HGS: variants seen among roughly 807,000 people sequenced by gnomAD.
HGS encodes the protein human growth factor-regulated tyrosine kinase substrate.
In HGS, 63 loss-of-function variants were observed where a neutral mutation model predicts 109.7. The observed-to-expected ratio is 0.57, with a 90% CI of 0.47 to 0.71. The LOEUF (loss-of-function observed/expected upper bound fraction) is 0.71. Ranked by LOEUF, HGS falls within the 30% of genes least tolerant of loss-of-function variation. The pLI is 0.00. For synonymous variants in HGS, 546 were observed against 437.3 expected, an observed-to-expected ratio of 1.25 and a Z score of -3.10; for missense variants, 995 against 1,068.3, an observed-to-expected ratio of 0.93 and a Z score of 0.96.
intron 20 of HGS, 71 bp downstream of exon 20, chr17:81,700,885 T>C: frequency 1.9e-6 from 3 of 1,578,332 alleles, no homozygotes; most frequent in Non-Finnish European, 2.6e-6. Flanking sequence ...GGTCCTTTGG[T>C]GAGGCTGGCA....
chr17:81,693,718 T>C lies in HGS; in HGVS notation c.806T>C (p.Leu269Pro). The stretch of plus-strand genomic sequence containing the variant: ...GAGGAGCTGCAGCTGGCCCTGGCGC[T>C]GTCACAGTCAGAGGCGGAGGAGAAG... Reference protein sequence around the residue: ...EEEELQLALALSQSEAEEKER... With the variant: ...EEEELQLALAPSQSEAEEKER... The change falls in exon 10 of 22, where the codon CTG (leucine) becomes CCG (proline). Residue 269 changes from leucine (L) to proline (P), a missense_variant. This residue lies in a region of HGS where 300 missense variants were observed against 235.4 expected (regional missense o/e 1.27). Transcript: ENST00000329138. 1 of 1,558,570 alleles carries C rather than the reference T, an allele frequency of 6.4e-7. No individual in the cohort carries two copies.
Position 81,696,766 on chromosome 17 carries a change from C to T in HGS, c.1707+19C>T. The T allele has an allele frequency of 6.2e-7, 1 of 1,603,148 alleles. No individual in the cohort carries two copies. The highest frequency in any genetic ancestry group is 8.5e-7 in the Non-Finnish European group (1 of 1,172,764). On this transcript the variant is annotated intron_variant, in intron 17 of 21. Transcript: ENST00000329138. ...CGCCCAGGCATGTGCCATCCTCCCG[C>T]CACCCAGAGGCTTGTGGGCTGAGGA...
At position 81,685,906 on chromosome 17, in the gene HGS, C is replaced by T. The variant is rs552283742; in HGVS notation, c.122+217C>T. The stretch of plus-strand genomic sequence containing the variant: ...TACCTGGTTATGTTTGTATTTGCTT[C>T]GGGGTTCTCAAAGACTAAGATGGCA... On this transcript the variant is annotated intron_variant, in intron 2 of 21. Transcript: ENST00000329138. Among the ~76,000 whole-genome samples, 31 of 152,202 alleles carry T rather than the reference C, an allele frequency of 2.0e-4. 1 individual carries two copies. The South Asian group carries it at 5.8e-3, about 29-fold the overall frequency.
At chr17:81,701,186 C>T (rs1277901313) in intron 21 of HGS, 55 bp downstream of exon 21, 45 of 1,491,002 alleles carry the variant, frequency 3.0e-5, no homozygotes, top group African/African-American at 1.4e-4. Flanking sequence ...TCAGGCTTCA[C>T]GGTTTAGCAA....
At chr17:81,685,102 C>G (rs2036954529) in intron 1 of HGS, 1 of 982,602 alleles carries the variant, frequency 1.0e-6, no homozygotes, top group Non-Finnish European at 1.2e-6. Flanking sequence ...GAGCCCCGTT[C>G]TGCCCTTATT....
At position 81,700,590 on chromosome 17, in the gene HGS, C is replaced by G. The variant is rs138108966; in HGVS notation, c.2006C>G (p.Ala669Gly). The change falls in exon 19 of 22, where the codon GCG (alanine) becomes GGG (glycine). Residue 669 changes from alanine to glycine, a missense_variant. Physicochemically the swap from Ala to Gly is moderately conservative, Grantham distance 60. Around this residue, in one of 6 missense-constraint regions of HGS, gnomAD observed 326 missense variants for 309.7 expected, o/e 1.05. Transcript: ENST00000329138. Reference sequence around the variant, plus strand: ...TCATCCTACCAGCCTACTCCCACAGCGGGCTACCAGGTACACAGGAAGGCC... The same window carrying G: ...TCATCCTACCAGCCTACTCCCACAGGGGGCTACCAGGTACACAGGAAGGCC... ...AYSSYQPTPTAGYQNVASQAP... is the reference protein window; with the variant it reads ...AYSSYQPTPTGGYQNVASQAP... The G allele has an allele frequency of 1.9e-6, 3 of 1,605,516 alleles. No homozygotes were observed. Among genetic ancestry groups the G allele is most frequent in the Non-Finnish European group, 2.6e-6 (3 of 1,175,254 alleles).
rs34384005 is a variant in HGS at position 81,695,037 on chromosome 17, A to G, written c.1089A>G (p.Glu363=). The change falls in exon 13 of 22, where the codon GAA becomes GAG. Residue 363 remains glutamate (E), a synonymous_variant. Transcript: ENST00000329138. ...PLTEPAAQPG[E]GHAAPTNVVE... ...CGGAGCCGGCTGCACAGCCTGGGGAAGGGCACGCAGCCCCCACCAACGTGG... is the reference window on the plus strand; with the variant it reads ...CGGAGCCGGCTGCACAGCCTGGGGAGGGGCACGCAGCCCCCACCAACGTGG... 109,543 of 1,613,652 alleles carry G rather than the reference A, an allele frequency of 0.068. 4,910 individuals carry two copies. Among genetic ancestry groups the G allele is most frequent in the East Asian group, 0.26 (11,640 of 44,856 alleles).
At chr17:81,697,854 C>T (rs867308362) in intron 18 of HGS, 1 of 152,128 alleles carries the variant, frequency 6.6e-6, no homozygotes, top group African/African-American at 2.4e-5. Flanking sequence ...TGTCATCACT[C>T]TTTATTTTTA....
Position 81,694,830 on chromosome 17 carries a change from C to A in HGS, c.952C>A (p.Leu318Met), listed in dbSNP as rs924796385. The part of the protein sequence containing the change: ...YSSPVNSSAP[L>M]AEDIDPELAR... ...TTCTCCCCAGAACTCGTCGGCGCCT[C>A]TGGCTGAGGACATCGACCCTGAGGT... The change falls in exon 12 of 22, where the codon CTG becomes ATG. Residue 318 changes from leucine (L) to methionine (M), a missense_variant. By Grantham distance (15) the Leu-to-Met change is conservative. Coordinates refer to ENST00000329138, the MANE Select transcript of HGS (RefSeq NM_004712.5). The A allele has an allele frequency of 5.0e-6, 8 of 1,614,268 alleles. No individual in the cohort carries two copies. The highest frequency in any genetic ancestry group is 1.6e-4 in the Middle Eastern group (1 of 6,062).
At chr17:81,699,435 TTC>T (rs1163417590) in intron 18 of HGS, among the ~76,000 whole-genome samples, 1 of 152,238 alleles carries the variant, frequency 6.6e-6, no homozygotes, top group African/African-American at 2.4e-5. Flanking sequence ...TTGGTTTATC[TTC>T]TTTTTTGAGA....
intron 4 of HGS, among the ~76,000 whole-genome samples, chr17:81,687,932 G>A (rs978569732): frequency 1.2e-4 from 19 of 152,206 alleles, no homozygotes; most frequent in African/African-American, 4.1e-4. Context: ...GCTGAGAGGC[G>A]GAAGGTGCCG....
chr17:81,685,731 G>A (rs200655758), intron 2 of HGS, 42 bp downstream of exon 2: 9 of 1,529,208 alleles, frequency 5.9e-6, no homozygotes, highest in Admixed American at 3.5e-5. Flanking sequence ...AGGAGCAGCC[G>A]TGCACTAAGC....
At chr17:81,686,481 C>T (rs545945835) in intron 3 of HGS, 94 bp downstream of exon 3, 7 of 847,428 alleles carry the variant, frequency 8.3e-6, no homozygotes, top group South Asian at 1.4e-5. Flanking sequence ...GCCTTGCCCA[C>T]CTCCCTGGGC....
Position 81,696,617 on chromosome 17 carries a change from A to C in HGS, c.1577A>C (p.Glu526Ala), listed in dbSNP as rs1454814065. Residue 526 changes from glutamate to alanine, a missense_variant, in exon 17 of 22, where the codon GAG (glutamate) becomes GCG (alanine). Transcript: ENST00000329138. Reference sequence around the variant, plus strand: ...GTTTTTGCCGCACAGGAGTACCTGGAGGTGCAGAGGCAGCTGGCCATCCAG... The same window carrying C: ...GTTTTTGCCGCACAGGAGTACCTGGCGGTGCAGAGGCAGCTGGCCATCCAG... ...IMRQKKQEYL[E>A]VQRQLAIQRL... 6.2e-7 allele frequency: 1 copy of C among 1,607,744 alleles called. No homozygotes were observed. Among genetic ancestry groups the C allele is most frequent in the Admixed American group, 1.7e-5 (1 of 59,490 alleles).
At position 81,690,605 on chromosome 17, in the gene HGS, G is replaced by GGGGA. The variant is rs1311981067; in HGVS notation, c.469-66_469-63dup. 2.7e-6 allele frequency: 4 copies of GGGGA among 1,478,536 alleles called. No homozygotes were observed. In the African/African-American group the frequency reaches 5.5e-5, roughly 20 times the overall value. The allele number at this position is 1,478,536 out of a possible 1,614,324, so 91.6% of individuals were successfully genotyped here. ...TGGGTCCGTTGCCTTCTGTGGGGCAGGGGAGGCTCTGTGCCTCTGGGGCTG... is the reference window on the plus strand; with the variant it reads ...TGGGTCCGTTGCCTTCTGTGGGGCAGGGGAGGGAGGCTCTGTGCCTCTGGGGCTG... On this transcript the variant is annotated intron_variant, in intron 6 of 21. Transcript: ENST00000329138.
chr17:81,695,864 G>C lies in HGS; in HGVS notation c.1258G>C (p.Val420Leu). 6.2e-7 allele frequency: 1 copy of C among 1,613,502 alleles called. No individual in the cohort carries two copies. The highest frequency in any genetic ancestry group is 8.5e-7 in the Non-Finnish European group (1 of 1,179,978). Residue 420 changes from valine (V) to leucine (L), a missense_variant, in exon 15 of 22, where the codon GTG becomes CTG. Val to Leu is a conservative substitution (Grantham distance 32). Transcript: ENST00000329138. ...KALQNAVTTF[V>L]NRMKSNHMRG... ...GCTGCAGAACGCCGTCACCACCTTC[G>C]TGAACCGCATGAAGAGTAACCACAT...
At position 81,701,766 on chromosome 17, in the gene HGS, C is replaced by T; in HGVS notation, c.*148C>T. The T allele has an allele frequency of 1.7e-6, 2 of 1,168,468 alleles. No individual in the cohort carries two copies. Among genetic ancestry groups the T allele is most frequent in the Non-Finnish European group, 2.3e-6 (2 of 859,552 alleles). 72.4% of individuals were successfully genotyped at this position (1,168,468 alleles called of 1,614,324 possible). ...AGGGGGGGCCTTCACCCCAAGCCCACCTCCCTTGTCCTCAGCCTACTGCAG... is the reference window on the plus strand; with the variant it reads ...AGGGGGGGCCTTCACCCCAAGCCCATCTCCCTTGTCCTCAGCCTACTGCAG... On this transcript the variant is annotated 3_prime_UTR_variant, in exon 22 of 22. Coordinates refer to ENST00000329138, the MANE Select transcript of HGS (RefSeq NM_004712.5).
At chr17:81,701,237 C>G (rs1425991397) in intron 21 of HGS, 106 bp downstream of exon 21, 1 of 1,059,756 alleles carries the variant, frequency 9.4e-7, no homozygotes, top group Admixed American at 2.0e-5. Flanking sequence ...CGTACGTCTG[C>G]TCACAGGGGG....
intron 18 of HGS, among the ~76,000 whole-genome samples, chr17:81,698,572 G>A (rs540075276): frequency 1.3e-5 from 2 of 152,306 alleles, no homozygotes; most frequent in South Asian, 4.1e-4. Flanking sequence ...AACCCTGGAA[G>A]CAGCCATTTC....
Sources: gnomAD v4.1 joint callset for allele counts (sites outside exome capture counted in the v4.1 genomes callset) on GRCh38, gnomAD v4.1.1 for gene constraint, gnomAD v4.1.1 regional missense constraint, MANE v1.5 for transcripts, NCBI Gene and HGNC (gene_info 2026-07-23, HGNC 2026-07-21) for gene names.